The following SOX6 variants were observed in gnomAD, a reference collection of about 807,000 sequenced individuals.
SOX6 encodes the protein transcription factor SOX-6.
A neutral mutation model predicts 97.8 loss-of-function variants in SOX6; 11 were observed. The observed-to-expected ratio is 0.11, with a 90% confidence interval of 0.07 to 0.19. The LOEUF (loss-of-function observed/expected upper bound fraction) is 0.19. SOX6 is among the 10% of genes least tolerant of loss of function. The pLI, the probability that SOX6 is intolerant of heterozygous loss-of-function variation, is 1.00. For missense variants in SOX6, 810 were observed against 1,039.5 expected (o/e 0.78, Z 3.04); for synonymous variants, 360 against 371.4 (o/e 0.97, Z 0.35).
intron 4 of SOX6, among the ~76,000 whole-genome samples, chr11:16,567,777 A>C (rs1241415177): frequency 2.8e-5 from 4 of 142,156 alleles, no homozygotes; most frequent in Non-Finnish European, 4.5e-5. Context: ...GGGTTTCAGC[A>C]TGTTGGTCAG....
intron 4 of SOX6, among the ~76,000 whole-genome samples, chr11:16,223,900 G>A (rs1590042849): frequency 6.6e-6 from 1 of 151,990 alleles, no homozygotes; most frequent in East Asian, 1.9e-4. Flanking sequence ...AAAATGTCTT[G>A]TATTTGTATT....
chr11:16,323,670 C>T (rs1340988780), intron 2 of SOX6, among the ~76,000 whole-genome samples: 1 of 152,100 alleles, frequency 6.6e-6, no homozygotes, highest in African/African-American at 2.4e-5. Flanking sequence ...CCAAACTACA[C>T]ATCAAAGCAC....
At chr11:16,002,635 C>A (rs1259643566) in intron 13 of SOX6, among the ~76,000 whole-genome samples, 4 of 152,050 alleles carry the variant, frequency 2.6e-5, no homozygotes, top group African/African-American at 9.7e-5. Context: ...AAGTTTGAAC[C>A]AGAGACCACT....
chr11:16,311,696 C>T (rs1855607978), intron 3 of SOX6: 1 of 152,122 alleles, frequency 6.6e-6, no homozygotes. Context: ...AGAGTCTACA[C>T]TCAGTAGGCT....
At chr11:16,013,096 T>C (rs1854779907) in intron 13 of SOX6, among the ~76,000 whole-genome samples, 1 of 151,998 alleles carries the variant, frequency 6.6e-6, no homozygotes, top group African/African-American at 2.4e-5. Flanking sequence ...ATGACATTAC[T>C]GAGAGATAAC....
At chr11:16,352,292 ATGGATGG>A (rs1856969627) in intron 1 of SOX6, among the ~76,000 whole-genome samples, 1 of 151,810 alleles carries the variant, frequency 6.6e-6, no homozygotes, top group African/African-American at 2.4e-5. Context: ...GGATGGATGG[ATGGATGG>A]AAGGATGGAT....
chr11:16,376,991 A>AGAT (rs1387237018), intron 1 of SOX6, among the ~76,000 whole-genome samples: 1 of 152,108 alleles, frequency 6.6e-6, no homozygotes, highest in Non-Finnish European at 1.5e-5. Context: ...TCAAGAAATG[A>AGAT]AAACCTCATA....
At chr11:16,609,018 C>T (rs1178361992) in intron 4 of SOX6, among the ~76,000 whole-genome samples, 1 of 152,034 alleles carries the variant, frequency 6.6e-6, no homozygotes, top group East Asian at 1.9e-4. Context: ...TAAAGATTCC[C>T]TTTGAGTCAT....
intron 1 of SOX6, among the ~76,000 whole-genome samples, chr11:16,399,974 G>T (rs1194193419): frequency 1.3e-5 from 2 of 151,320 alleles, no homozygotes; most frequent in Non-Finnish European, 3.0e-5. Flanking sequence ...AAGAAAAAAG[G>T]ATTCTTAACT....
chr11:16,309,588 G>T (rs1486875064), intron 3 of SOX6, among the ~76,000 whole-genome samples: 2 of 152,094 alleles, frequency 1.3e-5, no homozygotes, highest in Admixed American at 1.3e-4. Flanking sequence ...AACATAAGTA[G>T]ATTCAATAGT....
chr11:16,593,175 T>G (rs2133973605), intron 4 of SOX6, among the ~76,000 whole-genome samples: 1 of 152,028 alleles, frequency 6.6e-6, no homozygotes, highest in Admixed American at 6.5e-5. Flanking sequence ...ATGAAAAATA[T>G]AATAAAATTA....
chr11:16,146,918 GTTCGACCA>G (rs1354250386), intron 6 of SOX6, among the ~76,000 whole-genome samples: 1 of 152,186 alleles, frequency 6.6e-6, no homozygotes, highest in Non-Finnish European at 1.5e-5. Context: ...CTGTAAACTA[GTTCGACCA>G]TTGTGGAAGA....
At chr11:16,457,882 A>G (rs1051408476) in intron 1 of SOX6, among the ~76,000 whole-genome samples, 18 of 152,026 alleles carry the variant, frequency 1.2e-4, no homozygotes, top group African/African-American at 4.3e-4. Context: ...GTTATCATGT[A>G]TATTACAGCA....
intron 4 of SOX6, among the ~76,000 whole-genome samples, chr11:16,486,741 A>G (rs1217962532): frequency 6.6e-6 from 1 of 152,014 alleles, no homozygotes; most frequent in Admixed American, 6.6e-5. Context: ...CCGGCTACTC[A>G]GGAGGCTGAG....
rs533095049 is a variant in SOX6 at position 16,063,724 on chromosome 11, A to G, written c.1102-7823T>C. 1.2e-3 allele frequency among the ~76,000 whole-genome samples: 174 copies of G among 149,788 alleles called. 1 individual carries two copies. The South Asian group carries it at 0.036, about 31-fold the overall frequency. ...ATTAATGCATTAATTCAACAAATAT[A>G]CATTGAGAACTAAACTCAGTGAGGC... On this transcript the variant is annotated intron_variant, in intron 9 of 15. Transcript: ENST00000683767.
chr11:16,145,614 C>T (rs1054984670), intron 6 of SOX6, among the ~76,000 whole-genome samples: 1 of 152,170 alleles, frequency 6.6e-6, no homozygotes, highest in African/African-American at 2.4e-5. Context: ...ATCGTCTCAG[C>T]CCAAAATCTC....
chr11:16,244,091 C>T (rs913491295), intron 3 of SOX6, among the ~76,000 whole-genome samples: 4 of 151,878 alleles, frequency 2.6e-5, no homozygotes, highest in South Asian at 2.1e-4. Flanking sequence ...TATAAACTGC[C>T]AAAAGGTTTT....
chr11:16,252,276 CTCT>C (rs1214361511), intron 3 of SOX6: 1 of 152,232 alleles, frequency 6.6e-6, no homozygotes, highest in Non-Finnish European at 1.5e-5. Context: ...AAGTCAACAG[CTCT>C]TCTTAGATTC....
chr11:16,678,926 A>G (rs1288075922), intron 3 of SOX6, among the ~76,000 whole-genome samples: 1 of 152,180 alleles, frequency 6.6e-6, no homozygotes, highest in Non-Finnish European at 1.5e-5. Flanking sequence ...CTGAGGCTTC[A>G]GTAGGCAGTT....
Sources: allele counts gnomAD v4.1 joint callset (sites outside exome capture counted in the v4.1 genomes callset), GRCh38; gene constraint gnomAD v4.1.1; transcripts MANE v1.5; gene names NCBI Gene and HGNC (gene_info 2026-07-23, HGNC 2026-07-21).